The following CEP43 variants were observed in gnomAD, a reference collection of about 807,000 sequenced individuals.
CEP43 encodes the protein FGFR1 oncogene partner.
Under a neutral mutation model 52.6 loss-of-function variants are expected in CEP43, and 36 were observed. That is an observed-to-expected ratio of 0.68 (90% CI 0.52 to 0.90). CEP43 has a LOEUF of 0.90. CEP43 is among the 40% of genes least tolerant of loss of function. The pLI, the probability that CEP43 is intolerant of heterozygous loss-of-function variation, is 0.00. For synonymous variants in CEP43, 192 were observed against 172.4 expected, an observed-to-expected ratio of 1.11 and a Z score of -0.89; for missense variants, 506 against 472.8, an observed-to-expected ratio of 1.07 and a Z score of -0.65.
chr6:167,002,438 C>T (rs1254409047), intron 2 of CEP43, among the ~76,000 whole-genome samples: 1 of 152,158 alleles, frequency 6.6e-6, no homozygotes, highest in Non-Finnish European at 1.5e-5. Context: ...TGTGAACAGT[C>T]ACATACAAGT....
Position 167,033,933 on chromosome 6 carries a change from C to T in CEP43, c.1087C>T (p.Leu363Phe). Residue 363 changes from leucine to phenylalanine, a missense_variant, in exon 12 of 13, where the codon CTT becomes TTT. Transcript: ENST00000366847. ...ISIGEEIEED[L>F]SVEIDDINTS... The stretch of plus-strand genomic sequence containing the variant: ...TATTGGTGAAGAGATAGAAGAAGAC[C>T]TTTCTGTGGAAATAGATGACATCAA... 4 of 1,596,204 alleles carry T rather than the reference C, an allele frequency of 2.5e-6. No homozygotes were observed. The highest frequency in any genetic ancestry group is 3.4e-6 in the Non-Finnish European group (4 of 1,167,324).
chr6:167,024,163 AG>A (rs916933053), intron 8 of CEP43, among the ~76,000 whole-genome samples: 2 of 152,088 alleles, frequency 1.3e-5, no homozygotes, highest in African/African-American at 4.8e-5. Flanking sequence ...CATTGTAGGC[AG>A]GGGGTGGATA....
chr6:167,017,172 T>A (rs190216926), intron 7 of CEP43, among the ~76,000 whole-genome samples: 89 of 151,992 alleles, frequency 5.9e-4, no homozygotes, highest in Admixed American at 5.8e-3. Context: ...ATTTTTTGTA[T>A]TTTTAGTAGA....
chr6:167,020,595 A>G (rs1348032317), intron 7 of CEP43, among the ~76,000 whole-genome samples: 1 of 152,216 alleles, frequency 6.6e-6, no homozygotes, highest in Non-Finnish European at 1.5e-5. Context: ...CATGCCTAGG[A>G]AATTAATTTA....
At position 167,004,372 on chromosome 6, in the gene CEP43, C is replaced by G; in HGVS notation, c.409C>G (p.Gln137Glu). 6.3e-7 allele frequency: 1 copy of G among 1,598,444 alleles called. No homozygotes were observed. Among genetic ancestry groups the G allele is most frequent in the Non-Finnish European group, 8.5e-7 (1 of 1,173,072 alleles). Residue 137 changes from glutamine to glutamate, a missense_variant, in exon 5 of 13, where the codon CAG (glutamine) becomes GAG (glutamate). Gln to Glu is a conservative substitution (Grantham distance 29, BLOSUM62 2). Coordinates refer to ENST00000366847, the MANE Select transcript of CEP43 (RefSeq NM_007045.4). ...ATTAGAAGTGATCAGGCGCTGTCAA[C>G]AGAAAGAAAAAGGGCCAACCACTGG... ...LLLEVIRRCQQKEKGPTTGEG... is the reference protein window; with the variant it reads ...LLLEVIRRCQEKEKGPTTGEG...
chr6:167,051,923 G>A lies in CEP43; in HGVS notation c.*11945G>A, dbSNP rs1780874736. 1 of 152,030 alleles carries A rather than the reference G, an allele frequency of 6.6e-6. No homozygotes were observed. The highest frequency in any genetic ancestry group is 1.5e-5 in the Non-Finnish European group (1 of 67,988). 9.4% of individuals were successfully genotyped at this position (152,030 alleles called of 1,614,324 possible). ...GGATTGTTTAATTCATTCATTTTTAGTGTTACTATTGATATGGCTGGATTT... is the reference window on the plus strand; with the variant it reads ...GGATTGTTTAATTCATTCATTTTTAATGTTACTATTGATATGGCTGGATTT... On this transcript the variant is annotated 3_prime_UTR_variant, in exon 13 of 13. Coordinates refer to ENST00000366847, the MANE Select transcript of CEP43 (RefSeq NM_007045.4).
chr6:167,003,717 T>G lies in CEP43; in HGVS notation c.212-6T>G. On this transcript the variant is annotated splice_polypyrimidine_tract_variant and splice_region_variant and intron_variant, in intron 3 of 12. Coordinates refer to ENST00000366847, the MANE Select transcript of CEP43 (RefSeq NM_007045.4). ...TGCTTACTTACCTTTTTCTTGATCT[T>G]TATAGGTCGTTTAGTGGCTAGTCTT... 1 of 1,593,382 alleles carries G rather than the reference T, an allele frequency of 6.3e-7. No individual in the cohort carries two copies. The highest frequency in any genetic ancestry group is 8.6e-7 in the Non-Finnish European group (1 of 1,162,560).
chr6:167,019,483 A>T (rs1780178100), intron 7 of CEP43, among the ~76,000 whole-genome samples: 1 of 151,992 alleles, frequency 6.6e-6, no homozygotes. Context: ...TGAATTCATT[A>T]ATAACCTAGT....
chr6:167,031,390 A>T (rs78566491), intron 10 of CEP43, among the ~76,000 whole-genome samples: 1 of 152,148 alleles, frequency 6.6e-6, no homozygotes, highest in Non-Finnish European at 1.5e-5. Context: ...GGTTTGTTCC[A>T]CTGTTCCTCT....
chr6:167,012,917 A>G (rs886071166), intron 6 of CEP43, among the ~76,000 whole-genome samples: 1 of 152,224 alleles, frequency 6.6e-6, no homozygotes, highest in African/African-American at 2.4e-5. Context: ...TACCCTAGAT[A>G]GTCCTTGTGT....
chr6:167,021,903 T>C (rs938134059), intron 7 of CEP43, among the ~76,000 whole-genome samples: 11 of 152,238 alleles, frequency 7.2e-5, no homozygotes, highest in Non-Finnish European at 1.0e-4. Context: ...AGAAAATTGC[T>C]ATTTTTACTG....
At chr6:167,027,476 A>C (rs1407145118) in intron 10 of CEP43, among the ~76,000 whole-genome samples, 1 of 151,912 alleles carries the variant, frequency 6.6e-6, no homozygotes, top group African/African-American at 2.4e-5. Context: ...AATCACTCAC[A>C]TGGAAGCATT....
chr6:167,048,317 T>C lies in CEP43; in HGVS notation c.*8339T>C, dbSNP rs1355648786. 6.6e-6 allele frequency: 1 copy of C among 152,160 alleles called. No individual in the cohort carries two copies. The highest frequency in any genetic ancestry group is 1.9e-4 in the East Asian group (1 of 5,188). 9.4% of individuals were successfully genotyped at this position (152,160 alleles called of 1,614,324 possible). On this transcript the variant is annotated 3_prime_UTR_variant, in exon 13 of 13. Coordinates refer to ENST00000366847, the MANE Select transcript of CEP43 (RefSeq NM_007045.4). ...ACTGATGCAGGAGGATCATTTGAGC[T>C]CAGGAGTTTGAGACCATTCTGGGCA...
rs140974716 is a variant in CEP43, at chr6:167,034,130, G to A, written c.1125+159G>A. 3.2e-4 allele frequency among the ~76,000 whole-genome samples: 49 copies of A among 152,292 alleles called. No individual in the cohort carries two copies. In the South Asian group the frequency reaches 6.6e-3, roughly 21 times the overall value. On this transcript the variant is annotated intron_variant, in intron 12 of 12. Coordinates refer to ENST00000366847, the MANE Select transcript of CEP43 (RefSeq NM_007045.4). ...GCTCGAGTTTATAAAGAATGTCTTT[G>A]ATGAATGTGTAAGATTGGTTTTGGT...
At chr6:167,021,599 G>C (rs162289) in intron 7 of CEP43, among the ~76,000 whole-genome samples, 41,617 of 152,064 alleles carry the variant, frequency 0.27, 6,707 homozygotes, top group Admixed American at 0.43. Flanking sequence ...GGCTGTGAAG[G>C]TTAGGACTCC....
chr6:167,039,760 CATTT>C lies in CEP43; in HGVS notation c.1126-141_1126-138del. Reference sequence around the variant, plus strand: ...TCCCTTTTCACCACATCTTCACTGACATTTATATTATTTTTTGATTTTTTGATTA... The same window carrying C: ...TCCCTTTTCACCACATCTTCACTGACATATTATTTTTTGATTTTTTGATTA... On this transcript the variant is annotated intron_variant, in intron 12 of 12. Transcript: ENST00000366847. 3.7e-6 allele frequency: 3 copies of C among 813,368 alleles called. No homozygotes were observed. In the South Asian group the frequency reaches 5.0e-5, roughly 14 times the overall value. 50.4% of individuals were successfully genotyped at this position (813,368 alleles called of 1,614,324 possible).
At chr6:167,003,642 A>G in intron 3 of CEP43, 81 bp from the exon 4 acceptor site, 1 of 774,516 alleles carries the variant, frequency 1.3e-6, no homozygotes, top group Non-Finnish European at 2.2e-6. Flanking sequence ...CCATTAATTT[A>G]GTGTATCTAT....
Position 167,033,893 on chromosome 6 carries a change from GA to G in CEP43, c.1051del (p.Ser351ValfsTer3). On this transcript the variant is annotated frameshift_variant, in exon 12 of 13. Coordinates refer to ENST00000366847, the MANE Select transcript of CEP43 (RefSeq NM_007045.4). LOFTEE classifies it high-confidence loss of function. ...DFNSTSHRSE[K>X]SEISIGEEIE... ...AAATTAGTACCAGCCATCGCTCAGA[GA>G]AAAGTGAGATAAGTATTGGTGAAGA... The G allele has an allele frequency of 6.3e-7, 1 of 1,586,714 alleles. No homozygotes were observed. The highest frequency in any genetic ancestry group is 1.7e-4 in the Middle Eastern group (1 of 5,982).
Position 167,040,429 on chromosome 6 carries a change from C to A in CEP43, c.*451C>A. ...TATTTTGATATTAGGTGGTTCTACA[C>A]ATAGTTGGCAAAATGACTTGGTAAA... is the stretch of plus-strand genomic sequence containing the variant. On this transcript the variant is annotated 3_prime_UTR_variant, in exon 13 of 13. Transcript: ENST00000366847. 8.1e-7 allele frequency: 1 copy of A among 1,241,398 alleles called. No homozygotes were observed. The highest frequency in any genetic ancestry group is 1.0e-6 in the Non-Finnish European group (1 of 988,382). 76.9% of individuals were successfully genotyped at this position (1,241,398 alleles called of 1,614,324 possible).
Sources: allele counts gnomAD v4.1 joint callset (sites outside exome capture counted in the v4.1 genomes callset), GRCh38; gene constraint gnomAD v4.1.1; transcripts MANE v1.5; gene names NCBI Gene and HGNC (gene_info 2026-07-23, HGNC 2026-07-21).